Variants in ATRNL1 observed in about 807,000 individuals in gnomAD.
ATRNL1 encodes the protein attractin like 1.
A neutral mutation model predicts 182.7 loss-of-function variants in ATRNL1; 95 were observed. That is an observed-to-expected ratio of 0.52 (90% CI 0.44 to 0.62). The LOEUF (loss-of-function observed/expected upper bound fraction) is 0.62. ATRNL1 is among the 20% of genes least tolerant of loss of function. The probability of loss-of-function intolerance (pLI) is 0.00; values close to 1 mark genes in which losing one functional copy is unlikely to be tolerated. For synonymous variants in ATRNL1, 576 were observed against 568.3 expected (o/e 1.01, Z -0.19); for missense variants, 1,471 against 1,679.5 (o/e 0.88, Z 2.17).
At chr10:115,197,911 A>C (rs1221137551) in intron 8 of ATRNL1, among the ~76,000 whole-genome samples, 1 of 152,164 alleles carries the variant, frequency 6.6e-6, no homozygotes, top group Non-Finnish European at 1.5e-5. Context: ...CATTGGATGG[A>C]CACTTAGGTT....
intron 15 of ATRNL1, among the ~76,000 whole-genome samples, chr10:115,287,937 T>G (rs1554919608): frequency 2.0e-5 from 3 of 150,332 alleles, no homozygotes. Flanking sequence ...TTTTTTTTTT[T>G]TTTTTTTTTT....
At chr10:115,144,685 C>A in intron 5 of ATRNL1, among the ~76,000 whole-genome samples, 1 of 152,068 alleles carries the variant, frequency 6.6e-6, no homozygotes, top group East Asian at 1.9e-4. Flanking sequence ...TTGGGAAAGT[C>A]AATTAACTAT....
intron 8 of ATRNL1, among the ~76,000 whole-genome samples, chr10:115,188,326 G>T (rs1458734266): frequency 6.6e-6 from 1 of 152,136 alleles, no homozygotes; most frequent in African/African-American, 2.4e-5. Flanking sequence ...TGAACTTGCT[G>T]TGGCAGTAAA....
At chr10:115,606,145 C>T (rs1303478943) in intron 26 of ATRNL1, among the ~76,000 whole-genome samples, 5 of 151,916 alleles carry the variant, frequency 3.3e-5, no homozygotes, top group Admixed American at 2.0e-4. Context: ...GTTATTTTTG[C>T]AAATGTACAC....
chr10:115,533,249 G>A (rs1190749320), intron 25 of ATRNL1, among the ~76,000 whole-genome samples: 1 of 151,800 alleles, frequency 6.6e-6, no homozygotes, highest in Non-Finnish European at 1.5e-5. Flanking sequence ...TTTTTGGTTG[G>A]TAAGCTATTG....
intron 8 of ATRNL1, among the ~76,000 whole-genome samples, chr10:115,187,830 C>T (rs1290168346): frequency 2.6e-5 from 4 of 151,054 alleles, no homozygotes; most frequent in African/African-American, 4.9e-5. Flanking sequence ...TACAGGTGCG[C>T]GCCAGCATGC....
chr10:115,718,584 A>C (rs533416778), intron 26 of ATRNL1, among the ~76,000 whole-genome samples: 149 of 152,328 alleles, frequency 9.8e-4, no homozygotes, highest in Middle Eastern at 3.4e-3. Context: ...AGACTCTCCT[A>C]GATAAATCCA....
chr10:115,492,117 G>C (rs1208605877), intron 24 of ATRNL1, among the ~76,000 whole-genome samples: 1 of 152,118 alleles, frequency 6.6e-6, no homozygotes, highest in Non-Finnish European at 1.5e-5. Flanking sequence ...ACTTCAGTTG[G>C]AAATACAGAC....
chr10:115,781,165 T>C (rs1318390040), intron 27 of ATRNL1, among the ~76,000 whole-genome samples: 1 of 152,190 alleles, frequency 6.6e-6, no homozygotes, highest in Non-Finnish European at 1.5e-5. Flanking sequence ...TGCCATTACA[T>C]ATCCACAAGA....
At chr10:115,719,723 A>G (rs1246036011) in intron 26 of ATRNL1, among the ~76,000 whole-genome samples, 1 of 152,088 alleles carries the variant, frequency 6.6e-6, no homozygotes, top group African/African-American at 2.4e-5. Flanking sequence ...CCACCAAAAA[A>G]TGATTTTACC....
intron 8 of ATRNL1, among the ~76,000 whole-genome samples, chr10:115,192,090 T>C (rs2144240933): frequency 6.6e-6 from 1 of 152,224 alleles, no homozygotes; most frequent in East Asian, 1.9e-4. Context: ...GCAGAAGATT[T>C]TTTTAGCTTG....
At chr10:115,253,828 C>G (rs1311650707) in intron 10 of ATRNL1, among the ~76,000 whole-genome samples, 1 of 152,002 alleles carries the variant, frequency 6.6e-6, no homozygotes, top group African/African-American at 2.4e-5. Context: ...GTGATGTTCC[C>G]CCTGTGTCCA....
intron 21 of ATRNL1, among the ~76,000 whole-genome samples, chr10:115,450,007 A>G (rs1397483577): frequency 6.6e-6 from 1 of 152,206 alleles, no homozygotes; most frequent in Non-Finnish European, 1.5e-5. Flanking sequence ...GACACAAGCA[A>G]ATCAATAAAT....
intron 26 of ATRNL1, among the ~76,000 whole-genome samples, chr10:115,584,758 C>T (rs1855398612): frequency 6.6e-6 from 1 of 152,088 alleles, no homozygotes; most frequent in Non-Finnish European, 1.5e-5. Context: ...TTCAGTTTTG[C>T]TCTGACTTTA....
intron 27 of ATRNL1, among the ~76,000 whole-genome samples, chr10:115,735,727 T>C (rs1442327884): frequency 6.6e-6 from 1 of 152,204 alleles, no homozygotes; most frequent in African/African-American, 2.4e-5. Context: ...ATTTATACAG[T>C]GTAGATGCAG....
chr10:115,865,728 C>T (rs1247639210), intron 28 of ATRNL1, among the ~76,000 whole-genome samples: 1 of 152,102 alleles, frequency 6.6e-6, no homozygotes, highest in Non-Finnish European at 1.5e-5. Context: ...GATTTTAGAG[C>T]CAGGTCTGTG....
intron 8 of ATRNL1, among the ~76,000 whole-genome samples, chr10:115,182,847 CAG>C (rs1847800135): frequency 6.6e-6 from 1 of 151,370 alleles, no homozygotes; most frequent in African/African-American, 2.4e-5. Context: ...TGAAGAGAAA[CAG>C]TGTCACTTCA....
At chr10:115,315,159 G>A (rs1854232369) in intron 17 of ATRNL1, among the ~76,000 whole-genome samples, 1 of 152,132 alleles carries the variant, frequency 6.6e-6, no homozygotes, top group African/African-American at 2.4e-5. Flanking sequence ...CAATAAGAAT[G>A]GCTAACATGG....
At chr10:115,676,402 T>C (rs12252706) in intron 26 of ATRNL1, among the ~76,000 whole-genome samples, 1,767 of 152,150 alleles carry the variant, frequency 0.012, 32 homozygotes, top group African/African-American at 0.04. Context: ...CTGCAATACA[T>C]GTCTTATATG....
Sources: gnomAD v4.1 joint callset for allele counts (sites outside exome capture counted in the v4.1 genomes callset) on GRCh38, gnomAD v4.1.1 for gene constraint, MANE v1.5 for transcripts, NCBI Gene and HGNC (gene_info 2026-07-23, HGNC 2026-07-21) for gene names.